The following ENTREP2 variants were observed in gnomAD, a reference collection of about 807,000 sequenced individuals.
The protein encoded by ENTREP2 is endosomal transmembrane epsin interactor 2.
At chr15:29,201,544 T>G in the ENTREP2 span, among the ~76,000 whole-genome samples, 1 of 152,238 alleles carries the variant, frequency 6.6e-6, no homozygotes, top group African/African-American at 2.4e-5. Flanking sequence ...GCAGTTTCTC[T>G]TCTTTAGCCT....
the ENTREP2 span, among the ~76,000 whole-genome samples, chr15:29,223,859 G>A: frequency 2.0e-5 from 3 of 152,164 alleles, no homozygotes. Flanking sequence ...ACTCTCTGGA[G>A]AGGGCTCAGC....
the ENTREP2 span, among the ~76,000 whole-genome samples, chr15:29,392,207 C>A: frequency 1.4e-4 from 22 of 152,062 alleles, no homozygotes; most frequent in Non-Finnish European, 2.9e-4. Flanking sequence ...TGTGATCCAC[C>A]CGCCTCGGCC....
the ENTREP2 span, among the ~76,000 whole-genome samples, chr15:29,522,799 C>G: frequency 6.6e-6 from 1 of 152,160 alleles, no homozygotes. Flanking sequence ...TGACCTGACT[C>G]AGACCTTGCT....
chr15:29,187,551 C>T, the ENTREP2 span, among the ~76,000 whole-genome samples: 1 of 152,142 alleles, frequency 6.6e-6, no homozygotes, highest in African/African-American at 2.4e-5. Context: ...GCTGGGATTA[C>T]AGATGGAAAC....
At chr15:29,333,489 C>T in the ENTREP2 span, among the ~76,000 whole-genome samples, 1 of 152,154 alleles carries the variant, frequency 6.6e-6, no homozygotes, top group South Asian at 2.1e-4. Flanking sequence ...ACTCCCTGTG[C>T]ACACAGTACC....
the ENTREP2 span, among the ~76,000 whole-genome samples, chr15:29,522,544 AG>A: frequency 6.6e-6 from 1 of 152,226 alleles, no homozygotes; most frequent in Admixed American, 6.5e-5. Flanking sequence ...TGCTTCCTCA[AG>A]AAAAATGTCT....
the ENTREP2 span, among the ~76,000 whole-genome samples, chr15:29,177,288 G>C: frequency 6.6e-6 from 1 of 152,148 alleles, no homozygotes; most frequent in Non-Finnish European, 1.5e-5. Flanking sequence ...CTGTATGGCA[G>C]GATCCTCATC....
chr15:29,180,186 G>A, the ENTREP2 span, among the ~76,000 whole-genome samples: 2 of 152,090 alleles, frequency 1.3e-5, no homozygotes, highest in East Asian at 1.9e-4. Context: ...AGAGCTGAAC[G>A]TGCCAGATCT....
the ENTREP2 span, among the ~76,000 whole-genome samples, chr15:29,609,521 T>C: frequency 2.0e-5 from 3 of 149,836 alleles, no homozygotes; most frequent in Non-Finnish European, 4.4e-5. Flanking sequence ...CTCACCTCTC[T>C]TTGCCCTTCT....
At chr15:29,496,409 A>G in the ENTREP2 span, among the ~76,000 whole-genome samples, 1,038 of 151,932 alleles carry the variant, frequency 6.8e-3, 7 homozygotes, top group African/African-American at 0.024. Context: ...ATAAAATAAT[A>G]AAATTATTTT....
At chr15:29,481,139 C>T in the ENTREP2 span, among the ~76,000 whole-genome samples, 1 of 152,208 alleles carries the variant, frequency 6.6e-6, no homozygotes. Context: ...CTACACCATC[C>T]CTGCTTCCAG....
At chr15:29,151,187 G>A in the ENTREP2 span, among the ~76,000 whole-genome samples, 13 of 152,180 alleles carry the variant, frequency 8.5e-5, no homozygotes, top group African/African-American at 3.1e-4. Flanking sequence ...ACCATGCTCC[G>A]GGCCTCCTCG....
the ENTREP2 span, among the ~76,000 whole-genome samples, chr15:29,548,493 C>T: frequency 6.7e-6 from 1 of 148,528 alleles, no homozygotes; most frequent in African/African-American, 2.5e-5. Context: ...CTTTATGTTA[C>T]GTGTATTTTA....
the ENTREP2 span, among the ~76,000 whole-genome samples, chr15:29,333,655 A>G: frequency 1.3e-5 from 2 of 152,152 alleles, no homozygotes; most frequent in Non-Finnish European, 2.9e-5. Flanking sequence ...TTACTCCCCA[A>G]GGAAAAATAA....
chr15:29,184,953 G>A, the ENTREP2 span, among the ~76,000 whole-genome samples: 5 of 152,030 alleles, frequency 3.3e-5, no homozygotes, highest in South Asian at 8.3e-4. Context: ...GTGTGTGGCC[G>A]TAGTTCCAGC....
chr15:29,174,558 G>T, the ENTREP2 span, among the ~76,000 whole-genome samples: 1 of 152,102 alleles, frequency 6.6e-6, no homozygotes, highest in Non-Finnish European at 1.5e-5. Context: ...GCATGGTGGC[G>T]GGCGCCTGTA....
At chr15:29,159,046 G>C in the ENTREP2 span, among the ~76,000 whole-genome samples, 1 of 152,316 alleles carries the variant, frequency 6.6e-6, no homozygotes, top group Non-Finnish European at 1.5e-5. Flanking sequence ...TGAGCGGGTC[G>C]TGGTAGTGTA....
At chr15:29,157,760 C>T in the ENTREP2 span, among the ~76,000 whole-genome samples, 132 of 148,202 alleles carry the variant, frequency 8.9e-4, 1 homozygote, top group Non-Finnish European at 1.5e-3. Context: ...GATGGAGTCT[C>T]GCTGTGTCGC....
the ENTREP2 span, among the ~76,000 whole-genome samples, chr15:29,201,404 A>T: frequency 6.6e-6 from 1 of 152,182 alleles, no homozygotes; most frequent in African/African-American, 2.4e-5. Context: ...TGTTAGCTGT[A>T]GGTCTTTTGT....
Sources: allele counts gnomAD v4.1 joint callset (sites outside exome capture counted in the v4.1 genomes callset), GRCh38; gene constraint gnomAD v4.1.1; transcripts MANE v1.5; gene names NCBI Gene and HGNC (gene_info 2026-07-23, HGNC 2026-07-21).